The following KCNQ1OT1 variants were observed in gnomAD, a reference collection of about 807,000 sequenced individuals.
The protein encoded by KCNQ1OT1 is KCNQ1 opposite strand/antisense transcript 1.
chr11:2,680,246 T>A (rs117241550), exon 1 of KCNQ1OT1: 6,753 of 397,576 alleles, frequency 0.017, 278 homozygotes, highest in East Asian at 0.098. Context: ...TCTGTGTGTA[T>A]ATTCATATCC....
At position 2,677,475 on chromosome 11, in the gene KCNQ1OT1, T is replaced by C. The variant is rs1850314098; in HGVS notation, n.22520A>G. The C allele has an allele frequency of 2.5e-6, 1 of 398,420 alleles. No homozygotes were observed. Among genetic ancestry groups the C allele is most frequent in the Non-Finnish European group, 4.4e-6 (1 of 226,050 alleles). The allele number at this position is 398,420 out of a possible 1,614,324, so 24.7% of individuals were successfully genotyped here. A position where few individuals can be genotyped will look rare whatever the true frequency, so the allele number is the denominator to read the frequency against. On this transcript the variant is annotated non_coding_transcript_exon_variant, in exon 1 of 1. Transcript: ENST00000597346. The surrounding 1 kb of genome is among the most constrained non-coding windows in gnomAD (Gnocchi z 4.5). The stretch of plus-strand genomic sequence containing the variant: ...GCCTCTTGGTCAAGCAGTGAAACCA[T>C]GCCATACTTCTACAAAAAATGATCC...
chr11:2,667,006 C>T (rs1428566738), exon 1 of KCNQ1OT1: 2 of 398,592 alleles, frequency 5.0e-6, no homozygotes, highest in Non-Finnish European at 8.8e-6. Flanking sequence ...CTGCATGAGT[C>T]ATAGGATCCC....
chr11:2,629,066 T>G, exon 1 of KCNQ1OT1: 1 of 398,288 alleles, frequency 2.5e-6, no homozygotes, highest in Admixed American at 4.4e-5. Context: ...ATGCTTTAGA[T>G]CTTTAAGGTC....
Position 2,664,884 on chromosome 11 carries a change from A to G in KCNQ1OT1, n.35111T>C, listed in dbSNP as rs1319419261. The G allele has an allele frequency of 5.0e-6, 2 of 398,552 alleles. No individual in the cohort carries two copies. The highest frequency in any genetic ancestry group is 8.8e-6 in the Non-Finnish European group (2 of 226,092). 24.7% of individuals were successfully genotyped at this position (398,552 alleles called of 1,614,324 possible). On this transcript the variant is annotated non_coding_transcript_exon_variant, in exon 1 of 1. Coordinates refer to ENST00000597346, the Ensembl canonical transcript of KCNQ1OT1. The surrounding 1 kb of genome is among the most constrained non-coding windows in gnomAD (Gnocchi z 5.1). Reference sequence around the variant, plus strand: ...CAGAATTCAAATTAAAAACATAAATAAAGACACATTTTGTTTCCATCTCGA... The same window carrying G: ...CAGAATTCAAATTAAAAACATAAATGAAGACACATTTTGTTTCCATCTCGA...
chr11:2,633,424 T>C (rs1345427251), exon 1 of KCNQ1OT1: 5 of 398,468 alleles, frequency 1.3e-5, no homozygotes, highest in Non-Finnish European at 2.2e-5. Context: ...GCTTATAAAG[T>C]CTTACCCATA....
At chr11:2,660,542 A>G in exon 1 of KCNQ1OT1, 1 of 398,636 alleles carries the variant, frequency 2.5e-6, no homozygotes, top group Non-Finnish European at 4.4e-6. Flanking sequence ...AATTCCTACA[A>G]AGTGATAAGC....
exon 1 of KCNQ1OT1, chr11:2,625,870 T>G: frequency 5.0e-6 from 2 of 398,634 alleles, no homozygotes; most frequent in East Asian, 7.1e-5. Flanking sequence ...TGCCTGGCCC[T>G]TTTGCCCATT....
At chr11:2,689,636 C>T in exon 1 of KCNQ1OT1, 1 of 398,712 alleles carries the variant, frequency 2.5e-6, no homozygotes, top group Non-Finnish European at 4.4e-6. Context: ...AACAAGCCAG[C>T]AGGTGCAGAG....
At chr11:2,628,121 G>A in exon 1 of KCNQ1OT1, 1 of 398,554 alleles carries the variant, frequency 2.5e-6, no homozygotes, top group Non-Finnish European at 4.4e-6. Flanking sequence ...ACCTCTTCAA[G>A]ATACTGACTT....
chr11:2,621,527 G>C lies in KCNQ1OT1; in HGVS notation n.78468C>G, dbSNP rs1348876564. 1 of 398,264 alleles carries C rather than the reference G, an allele frequency of 2.5e-6. No homozygotes were observed. Among genetic ancestry groups the C allele is most frequent in the East Asian group, 3.6e-5 (1 of 28,056 alleles). 24.7% of individuals were successfully genotyped at this position (398,264 alleles called of 1,614,324 possible). On this transcript the variant is annotated non_coding_transcript_exon_variant, in exon 1 of 1. Transcript: ENST00000597346. This position sits in a 1 kb window ranked among gnomAD's most constrained non-coding sequence, Gnocchi z 5.7. Reference sequence around the variant, plus strand: ...GTTTACTCTGTTGATAATTTCTTTTGCTATGCAGAAGCTCTTTAGTTTACC... The same window carrying C: ...GTTTACTCTGTTGATAATTTCTTTTCCTATGCAGAAGCTCTTTAGTTTACC...
chr11:2,661,852 G>C lies in KCNQ1OT1; in HGVS notation n.38143C>G. On this transcript the variant is annotated non_coding_transcript_exon_variant, in exon 1 of 1. Transcript: ENST00000597346. This position sits in a 1 kb window ranked among gnomAD's most constrained non-coding sequence, Gnocchi z 5.9. ...CTGATTGTCAGGGCTGGAGCTTCCA[G>C]GCACAAGCTCCACTCCTCACCTGGC... The C allele has an allele frequency of 1.4e-6, 2 of 1,402,098 alleles. No homozygotes were observed. The highest frequency in any genetic ancestry group is 2.0e-6 in the Non-Finnish European group (2 of 992,206). The allele number at this position is 1,402,098 out of a possible 1,614,324, so 86.9% of individuals were successfully genotyped here. A position where few individuals can be genotyped will look rare whatever the true frequency, so the allele number is the denominator to read the frequency against.
At position 2,698,830 on chromosome 11, in the gene KCNQ1OT1, C is replaced by G. The variant is rs1362615702; in HGVS notation, n.1165G>C. 2.5e-6 allele frequency: 1 copy of G among 398,718 alleles called. No homozygotes were observed. The highest frequency in any genetic ancestry group is 2.1e-5 in the African/African-American group (1 of 48,616). 24.7% of individuals were successfully genotyped at this position (398,718 alleles called of 1,614,324 possible). A position where few individuals can be genotyped will look rare whatever the true frequency, so the allele number is the denominator to read the frequency against. ...TCCTCTGTCCCTAATGAGGCCCTAC[C>G]TAAAACCACCATGCGGACTCCAGAC... On this transcript the variant is annotated non_coding_transcript_exon_variant, in exon 1 of 1. Coordinates refer to ENST00000597346, the Ensembl canonical transcript of KCNQ1OT1. This position sits in a 1 kb window ranked among gnomAD's most constrained non-coding sequence, Gnocchi z 5.1.
In KCNQ1OT1 at chr11:2,661,613, A is replaced by T. The variant is rs1277828108; in HGVS notation, n.38382T>A. 11 of 580,162 alleles carry T rather than the reference A, an allele frequency of 1.9e-5. No homozygotes were observed. Among genetic ancestry groups the T allele is most frequent in the African/African-American group, 9.3e-5 (5 of 53,644 alleles). The allele number at this position is 580,162 out of a possible 1,614,324, so 35.9% of individuals were successfully genotyped here. A position where few individuals can be genotyped will look rare whatever the true frequency, so the allele number is the denominator to read the frequency against. On this transcript the variant is annotated non_coding_transcript_exon_variant, in exon 1 of 1. Transcript: ENST00000597346. The surrounding 1 kb of genome is among the most constrained non-coding windows in gnomAD (Gnocchi z 5.9). ...GTCCCTTACCAGGCCTGTGCCTGTC[A>T]CCTCTGTTTTATTCTTGACCCAAGT... is the stretch of plus-strand genomic sequence containing the variant.
exon 1 of KCNQ1OT1, chr11:2,681,123 G>A (rs1850389685): frequency 2.5e-6 from 1 of 398,444 alleles, no homozygotes; most frequent in African/African-American, 2.1e-5. Flanking sequence ...CCCCAAAAAA[G>A]CACCTATGAA....
At chr11:2,696,663 C>T (rs560923856) in exon 1 of KCNQ1OT1, 2 of 398,640 alleles carry the variant, frequency 5.0e-6, no homozygotes, top group South Asian at 1.3e-4. Context: ...TGACGTCATT[C>T]TAATGCCAAG....
chr11:2,633,113 T>G, exon 1 of KCNQ1OT1: 9 of 398,512 alleles, frequency 2.3e-5, no homozygotes, highest in Non-Finnish European at 4.0e-5. Flanking sequence ...CCATTCTAAC[T>G]GAGGTGAAAT....
chr11:2,684,442 G>A lies in KCNQ1OT1; in HGVS notation n.15553C>T, dbSNP rs147173878. On this transcript the variant is annotated non_coding_transcript_exon_variant, in exon 1 of 1. Transcript: ENST00000597346. Reference sequence around the variant, plus strand: ...AGCACCACCTCTTTCATTTGAAAACGTGTTCTTTTGGCAAAAAGACTATGC... The same window carrying A: ...AGCACCACCTCTTTCATTTGAAAACATGTTCTTTTGGCAAAAAGACTATGC... 1.8e-3 allele frequency: 707 copies of A among 398,638 alleles called. 5 individuals carry two copies. The highest frequency in any genetic ancestry group is 0.013 in the African/African-American group (650 of 48,748). The allele number at this position is 398,638 out of a possible 1,614,324, so 24.7% of individuals were successfully genotyped here.
At chr11:2,656,722 C>G (rs1003555229) in exon 1 of KCNQ1OT1, 12 of 398,350 alleles carry the variant, frequency 3.0e-5, no homozygotes, top group Non-Finnish European at 4.9e-5. Context: ...GGTCTTAACT[C>G]TAATGTCAAA....
rs528907310 is a variant in KCNQ1OT1 at position 2,677,410 on chromosome 11, T to C, written n.22585A>G. ...ACCAAGATCGATGCCTAGATAAGCA[T>C]TTCAGAGGACAGCAGGGGAGATGAT... On this transcript the variant is annotated non_coding_transcript_exon_variant, in exon 1 of 1. Transcript: ENST00000597346. The surrounding 1 kb of genome is among the most constrained non-coding windows in gnomAD (Gnocchi z 4.5). The C allele has an allele frequency of 4.0e-5, 16 of 398,592 alleles. No homozygotes were observed. In the South Asian group the frequency reaches 2.0e-3, roughly 51 times the overall value. 24.7% of individuals were successfully genotyped at this position (398,592 alleles called of 1,614,324 possible).
Sources: gnomAD v4.1 joint callset for allele counts on GRCh38, gnomAD v4.1.1 for gene constraint, Gnocchi (gnomAD v3.1) non-coding constraint, MANE v1.5 for transcripts, NCBI Gene and HGNC (gene_info 2026-07-23, HGNC 2026-07-21) for gene names.